The following RNF169 variants were observed in gnomAD, a reference collection of about 807,000 sequenced individuals.
RNF169 encodes E3 ubiquitin-protein ligase RNF169.
A neutral mutation model predicts 53.9 loss-of-function variants in RNF169; 24 were observed. The ratio of observed to expected loss-of-function variants is 0.45; its 90% CI spans 0.32 to 0.63. The LOEUF (loss-of-function observed/expected upper bound fraction) is 0.63, where lower values mean the gene tolerates loss of function less well. Among genes scored for constraint, RNF169 ranks in the 20% least tolerant of loss-of-function variants. The probability of loss-of-function intolerance (pLI) is 0.04; values close to 1 mark genes in which losing one functional copy is unlikely to be tolerated. For missense variants in RNF169, 883 were observed against 906.2 expected, an observed-to-expected ratio of 0.97 and a Z score of 0.33; for synonymous variants, 396 against 363.5, an observed-to-expected ratio of 1.09 and a Z score of -1.02.
At chr11:74,781,866 C>T (rs1376056061) in intron 1 of RNF169, among the ~76,000 whole-genome samples, 1 of 152,086 alleles carries the variant, frequency 6.6e-6, no homozygotes, top group Non-Finnish European at 1.5e-5. Flanking sequence ...CCTCAGTTTC[C>T]TCATCTGTAA....
rs188897614 is a variant in RNF169, at chr11:74,775,049, G to A, written c.503-14577G>A. Among the ~76,000 whole-genome samples the A allele has an allele frequency of 2.7e-3, 405 of 152,348 alleles. 2 individuals carry two copies. Among genetic ancestry groups the A allele is most frequent in the African/African-American group, 9.5e-3 (395 of 41,586 alleles). ...ATTCTTTGGAGGAATTTGCAGTAAT[G>A]GGGGCAGATAAATGGGTCAGTACCT... On this transcript the variant is annotated intron_variant, in intron 1 of 5. Transcript: ENST00000299563.
At chr11:74,794,919 C>T (rs559044246) in intron 2 of RNF169, among the ~76,000 whole-genome samples, 114 of 152,286 alleles carry the variant, frequency 7.5e-4, no homozygotes, top group African/African-American at 2.6e-3. Flanking sequence ...CTTGCCTCAG[C>T]TTCCTGAGTA....
chr11:74,834,073 TC>T (rs1416725662), intron 4 of RNF169, among the ~76,000 whole-genome samples: 1 of 152,200 alleles, frequency 6.6e-6, no homozygotes, highest in Non-Finnish European at 1.5e-5. Flanking sequence ...CAGTATAGAA[TC>T]CAAGTACTGT....
intron 1 of RNF169, among the ~76,000 whole-genome samples, chr11:74,750,517 T>A (rs1415113199): frequency 1.3e-5 from 2 of 150,720 alleles, no homozygotes; most frequent in Non-Finnish European, 3.0e-5. Context: ...CCTAGGATAT[T>A]GGGCTATTTT....
At chr11:74,785,164 T>C (rs1382375748) in intron 1 of RNF169, among the ~76,000 whole-genome samples, 1 of 67,254 alleles carries the variant, frequency 1.5e-5, no homozygotes, top group African/African-American at 1.4e-4. Flanking sequence ...TTTTTATATA[T>C]ATATATATGA....
At chr11:74,829,324 T>G (rs1591432557) in intron 4 of RNF169, among the ~76,000 whole-genome samples, 1 of 152,166 alleles carries the variant, frequency 6.6e-6, no homozygotes, top group South Asian at 2.1e-4. Context: ...ATGGCTATTA[T>G]TAAAAAGTCA....
chr11:74,759,573 G>C (rs1227139258), intron 1 of RNF169, among the ~76,000 whole-genome samples: 1 of 144,132 alleles, frequency 6.9e-6, no homozygotes, highest in Non-Finnish European at 1.5e-5. Flanking sequence ...ATAATCATGT[G>C]GTTTTTGTCT....
intron 1 of RNF169, among the ~76,000 whole-genome samples, chr11:74,781,404 C>T (rs527812571): frequency 6.6e-6 from 1 of 152,090 alleles, no homozygotes; most frequent in Non-Finnish European, 1.5e-5. Context: ...AACCCAGAGA[C>T]CAGAAGAGGA....
chr11:74,829,436 A>G (rs2036144679), intron 4 of RNF169, among the ~76,000 whole-genome samples: 1 of 152,192 alleles, frequency 6.6e-6, no homozygotes. Flanking sequence ...CAGTGTGGTG[A>G]TTCCTCAAAA....
At chr11:74,805,515 C>A (rs947446021) in intron 2 of RNF169, among the ~76,000 whole-genome samples, 40 of 151,956 alleles carry the variant, frequency 2.6e-4, no homozygotes, top group African/African-American at 9.7e-4. Flanking sequence ...TATATGTAGT[C>A]TTATGATATA....
chr11:74,819,372 C>CT (rs1382237030), intron 4 of RNF169, among the ~76,000 whole-genome samples: 2 of 152,186 alleles, frequency 1.3e-5, no homozygotes, highest in African/African-American at 4.8e-5. Flanking sequence ...AGAACTGAGG[C>CT]TTCTTGGCTC....
chr11:74,813,638 A>C (rs940558370), intron 3 of RNF169, among the ~76,000 whole-genome samples: 1 of 152,224 alleles, frequency 6.6e-6, no homozygotes, highest in Admixed American at 6.5e-5. Flanking sequence ...AAGAACATAT[A>C]AATACACACC....
rs1018926630 is a variant in RNF169 at position 74,841,447 on chromosome 11, C to T, written c.*4717C>T. On this transcript the variant is annotated 3_prime_UTR_variant, in exon 6 of 6. Coordinates refer to ENST00000299563, the MANE Select transcript of RNF169 (RefSeq NM_001098638.2). ...AAGAGACTAAGATATATGCAAGGGT[C>T]ACCAGTTTAGAGATCAGTCAAATTG... 1.3e-5 allele frequency: 2 copies of T among 152,136 alleles called. No individual in the cohort carries two copies. The highest frequency in any genetic ancestry group is 2.9e-5 in the Non-Finnish European group (2 of 68,020). The allele number at this position is 152,136 out of a possible 1,614,324, so 9.4% of individuals were successfully genotyped here. A position where few individuals can be genotyped will look rare whatever the true frequency, so the allele number is the denominator to read the frequency against.
intron 1 of RNF169, among the ~76,000 whole-genome samples, chr11:74,776,010 C>A (rs541850245): frequency 8.6e-4 from 131 of 152,222 alleles, no homozygotes; most frequent in Middle Eastern, 6.8e-3. Context: ...TTTAAATATG[C>A]CACTCAGAAA....
chr11:74,773,156 T>C (rs757888111), intron 1 of RNF169, among the ~76,000 whole-genome samples: 3 of 152,100 alleles, frequency 2.0e-5, no homozygotes, highest in Non-Finnish European at 4.4e-5. Flanking sequence ...GGGGTAGCAT[T>C]TGGGGAGGAT....
intron 1 of RNF169, among the ~76,000 whole-genome samples, chr11:74,787,697 G>A (rs1035060750): frequency 1.1e-4 from 17 of 152,154 alleles, no homozygotes; most frequent in African/African-American, 3.9e-4. Flanking sequence ...TGCATTGCTG[G>A]CGGGACTATA....
At chr11:74,755,234 A>G (rs1400168702) in intron 1 of RNF169, among the ~76,000 whole-genome samples, 1 of 152,224 alleles carries the variant, frequency 6.6e-6, no homozygotes, top group African/African-American at 2.4e-5. Context: ...AAAGCTCTTG[A>G]TGAGATTACA....
chr11:74,799,047 C>G (rs1424887862), intron 2 of RNF169, among the ~76,000 whole-genome samples: 2 of 145,288 alleles, frequency 1.4e-5, no homozygotes, highest in African/African-American at 5.1e-5. Flanking sequence ...GAGCAAGACC[C>G]CGTCTCAAAA....
Position 74,836,197 on chromosome 11 carries a change from T to C in RNF169, c.1594T>C (p.Ser532Pro), listed in dbSNP as rs1170819659. The change falls in exon 6 of 6, where the codon TCA (serine) becomes CCA (proline). Residue 532 changes from serine (S) to proline (P), a missense_variant. Around this residue, in one of 3 missense-constraint regions of RNF169, gnomAD observed 351 missense variants for 337.3 expected, o/e 1.04. Transcript: ENST00000299563. ...GATCCCACTGGAAACCTGCTGTTCC[T>C]CAGAACTCAAAGGGGGAGGCAGTGG... Reference protein sequence around the residue: ...TEIPLETCCSSELKGGGSGTS... With the variant: ...TEIPLETCCSPELKGGGSGTS... The C allele has an allele frequency of 4.3e-6, 7 of 1,613,986 alleles. No individual in the cohort carries two copies. Among genetic ancestry groups the C allele is most frequent in the Non-Finnish European group, 5.1e-6 (6 of 1,180,014 alleles).
Sources: gnomAD v4.1 joint callset for allele counts (sites outside exome capture counted in the v4.1 genomes callset) on GRCh38, gnomAD v4.1.1 for gene constraint, gnomAD v4.1.1 regional missense constraint, MANE v1.5 for transcripts, NCBI Gene and HGNC (gene_info 2026-07-23, HGNC 2026-07-21) for gene names.